The following SUCLG2 variants were observed in gnomAD, a reference collection of about 807,000 sequenced individuals.
SUCLG2 encodes succinate-CoA ligase GDP-forming subunit beta.
In SUCLG2, 42 loss-of-function variants were observed where a neutral mutation model predicts 47.9. The observed-to-expected ratio is 0.88, with a 90% CI of 0.69 to 1.14. SUCLG2 has a LOEUF of 1.14. Ranked by LOEUF, SUCLG2 falls within the 50% of genes most tolerant of loss-of-function variation. The pLI, the probability that SUCLG2 is intolerant of heterozygous loss-of-function variation, is 0.00. For missense variants in SUCLG2, 571 were observed against 525.9 expected, an observed-to-expected ratio of 1.09 and a Z score of -0.84; for synonymous variants, 195 against 197.3, an observed-to-expected ratio of 0.99 and a Z score of 0.10.
chr3:67,637,179 CAGATGATGTTT>C (rs1232415207), intron 1 of SUCLG2, among the ~76,000 whole-genome samples: 1 of 152,006 alleles, frequency 6.6e-6, no homozygotes, highest in African/African-American at 2.4e-5. Context: ...TCAATATGCC[CAGATGATGTTT>C]AGAGTAATTC....
intron 2 of SUCLG2, among the ~76,000 whole-genome samples, chr3:67,532,003 C>T (rs1261263221): frequency 6.6e-6 from 1 of 151,596 alleles, no homozygotes; most frequent in African/African-American, 2.4e-5. Flanking sequence ...CAATCCTGAA[C>T]GGTATTAGAA....
At chr3:67,592,743 A>AAAAAAAAAAAAAAAAAAAAAC (rs1559587055) in intron 2 of SUCLG2, among the ~76,000 whole-genome samples, 6 of 148,594 alleles carry the variant, frequency 4.0e-5, no homozygotes, top group African/African-American at 1.5e-4. Flanking sequence ...AAAACAACAA[A>AAAAAAAAAAAAAAAAAAAAAC]AAAAAACTGA....
intron 9 of SUCLG2, among the ~76,000 whole-genome samples, chr3:67,457,389 T>G (rs1031199455): frequency 2.0e-5 from 3 of 152,220 alleles, no homozygotes; most frequent in African/African-American, 7.2e-5. Flanking sequence ...AGAAATTAAC[T>G]TTATAACTTG....
chr3:67,519,795 T>G lies in SUCLG2; in HGVS notation c.570+687A>C, dbSNP rs1008778716. ...TTTTCTCCTCATAGCTGACGTAGGT[T>G]AAGAAGCACTTTATACACATCACCT... On this transcript the variant is annotated intron_variant, in intron 5 of 10. Transcript: ENST00000307227. Among the ~76,000 whole-genome samples, 3 of 152,216 alleles carry G rather than the reference T, an allele frequency of 2.0e-5. No individual in the cohort carries two copies. The East Asian group carries it at 5.8e-4, about 29-fold the overall frequency.
chr3:67,427,800 C>A (rs1703346497), intron 9 of SUCLG2, among the ~76,000 whole-genome samples: 1 of 152,214 alleles, frequency 6.6e-6, no homozygotes, highest in South Asian at 2.1e-4. Flanking sequence ...TAGCAAATGG[C>A]ACACCAGGAG....
At chr3:67,628,462 C>T (rs1267813985) in intron 1 of SUCLG2, among the ~76,000 whole-genome samples, 1 of 152,198 alleles carries the variant, frequency 6.6e-6, no homozygotes, top group African/African-American at 2.4e-5. Flanking sequence ...AGATAGAAAG[C>T]AAACTTCCAT....
chr3:67,522,126 C>G (rs80315417), intron 4 of SUCLG2, among the ~76,000 whole-genome samples: 4,627 of 152,008 alleles, frequency 0.03, 171 homozygotes, highest in East Asian at 0.17. Context: ...ACAATCGTGG[C>G]TCACTGCAGC....
intron 2 of SUCLG2, among the ~76,000 whole-genome samples, chr3:67,533,015 A>G (rs1706443600): frequency 6.6e-6 from 1 of 152,212 alleles, no homozygotes; most frequent in South Asian, 2.1e-4. Context: ...ATCTAAATAG[A>G]ATACACATTT....
intron 2 of SUCLG2, among the ~76,000 whole-genome samples, chr3:67,550,627 C>G (rs1706987920): frequency 1.3e-5 from 2 of 152,204 alleles, no homozygotes; most frequent in African/African-American, 4.8e-5. Context: ...TCACACCCAG[C>G]CAAACCGTCT....
chr3:67,463,423 T>C (rs1704386986), intron 9 of SUCLG2, among the ~76,000 whole-genome samples: 2 of 152,238 alleles, frequency 1.3e-5, no homozygotes, highest in African/African-American at 4.8e-5. Context: ...ATAATATCTG[T>C]ACATACATAC....
intron 10 of SUCLG2, among the ~76,000 whole-genome samples, chr3:67,387,764 A>G (rs75386285): frequency 6.6e-6 from 1 of 152,194 alleles, no homozygotes; most frequent in Non-Finnish European, 1.5e-5. Context: ...ACTAAGAAGA[A>G]GATTTGACAT....
At chr3:67,411,400 G>C (rs150229629) in intron 9 of SUCLG2, among the ~76,000 whole-genome samples, 1 of 151,998 alleles carries the variant, frequency 6.6e-6, no homozygotes, top group Non-Finnish European at 1.5e-5. Flanking sequence ...GAGGTTTTAG[G>C]CATCTGTTCA....
intron 10 of SUCLG2, among the ~76,000 whole-genome samples, chr3:67,364,599 C>G (rs1701851749): frequency 6.6e-6 from 1 of 152,198 alleles, no homozygotes; most frequent in Admixed American, 6.5e-5. Flanking sequence ...AGGAGCCTCA[C>G]TTCAGGTGTG....
chr3:67,453,875 G>A (rs1704117247), intron 9 of SUCLG2, among the ~76,000 whole-genome samples: 1 of 152,184 alleles, frequency 6.6e-6, no homozygotes, highest in African/African-American at 2.4e-5. Context: ...GTGTATGCCA[G>A]AAATATATCT....
At chr3:67,467,993 G>C (rs1201558723) in intron 9 of SUCLG2, among the ~76,000 whole-genome samples, 2 of 152,134 alleles carry the variant, frequency 1.3e-5, no homozygotes, top group African/African-American at 4.8e-5. Flanking sequence ...AGAGAAAAGA[G>C]CCATAATACA....
intron 10 of SUCLG2, among the ~76,000 whole-genome samples, chr3:67,388,967 TG>T (rs892056105): frequency 2.0e-5 from 3 of 152,032 alleles, no homozygotes; most frequent in African/African-American, 7.2e-5. Flanking sequence ...GAGTTGGTAT[TG>T]GGGTCGTAAC....
chr3:67,602,608 C>A (rs1265906878), intron 2 of SUCLG2, among the ~76,000 whole-genome samples: 1 of 152,122 alleles, frequency 6.6e-6, no homozygotes, highest in African/African-American at 2.4e-5. Context: ...TGCAAAAATA[C>A]ATACAATAGA....
intron 2 of SUCLG2, among the ~76,000 whole-genome samples, chr3:67,574,782 C>T (rs934026349): frequency 6.6e-6 from 1 of 152,170 alleles, no homozygotes; most frequent in African/African-American, 2.4e-5. Flanking sequence ...AAGCAACACA[C>T]TGGGAAAAAG....
At chr3:67,541,872 CTTTT>C (rs112073915) in intron 2 of SUCLG2, among the ~76,000 whole-genome samples, 2 of 144,174 alleles carry the variant, frequency 1.4e-5, no homozygotes, top group Admixed American at 6.9e-5. Flanking sequence ...CATTCTTTTT[CTTTT>C]TTTTTTTTTG....
Sources: allele counts gnomAD v4.1 joint callset (sites outside exome capture counted in the v4.1 genomes callset), GRCh38; gene constraint gnomAD v4.1.1; transcripts MANE v1.5; gene names NCBI Gene and HGNC (gene_info 2026-07-23, HGNC 2026-07-21).